The following RBFOX2 variants were observed in gnomAD, a reference collection of about 807,000 sequenced individuals.
RBFOX2 encodes RNA binding fox-1 homolog 2.
Under a neutral mutation model 49.1 loss-of-function variants are expected in RBFOX2, and 10 were observed. The observed-to-expected ratio is 0.20, with a 90% CI of 0.13 to 0.35. The LOEUF (loss-of-function observed/expected upper bound fraction) is 0.35, where lower values mean the gene tolerates loss of function less well. RBFOX2 is among the 10% of genes least tolerant of loss of function. RBFOX2 has a pLI of 1.00. For missense variants in RBFOX2, 323 were observed against 486.9 expected (o/e 0.66, Z 3.17); for synonymous variants, 183 against 187.4 (o/e 0.98, Z 0.19).
chr22:35,893,535 A>C (rs2047494822), intron 1 of RBFOX2, among the ~76,000 whole-genome samples: 1 of 152,240 alleles, frequency 6.6e-6, no homozygotes, highest in Non-Finnish European at 1.5e-5. Flanking sequence ...ACAAGGCTGC[A>C]AAGAGCCTGC....
At chr22:35,952,761 G>A (rs1387350614) in intron 1 of RBFOX2, among the ~76,000 whole-genome samples, 1 of 152,166 alleles carries the variant, frequency 6.6e-6, no homozygotes, top group Non-Finnish European at 1.5e-5. Context: ...TGGAGCAGCT[G>A]CTGTGGAAAA....
chr22:35,804,256 C>A (rs1056334743), intron 2 of RBFOX2, among the ~76,000 whole-genome samples: 3 of 150,808 alleles, frequency 2.0e-5, no homozygotes, highest in African/African-American at 7.3e-5. Flanking sequence ...CCAGCCTGGG[C>A]AACAGAGCAA....
intron 4 of RBFOX2, among the ~76,000 whole-genome samples, chr22:35,773,931 C>G (rs1168869960): frequency 6.6e-6 from 1 of 151,952 alleles, no homozygotes; most frequent in East Asian, 1.9e-4. Flanking sequence ...AATGCAAGGT[C>G]AAGAATACAG....
chr22:35,979,445 C>T (rs2057353337), intron 1 of RBFOX2, among the ~76,000 whole-genome samples: 2 of 152,034 alleles, frequency 1.3e-5, no homozygotes, highest in South Asian at 2.1e-4. Flanking sequence ...AGTCCTATTT[C>T]GGGGAATACA....
At chr22:35,854,085 G>C (rs1341751788) in intron 1 of RBFOX2, among the ~76,000 whole-genome samples, 1 of 151,996 alleles carries the variant, frequency 6.6e-6, no homozygotes, top group Non-Finnish European at 1.5e-5. Context: ...GGTGGTGCAT[G>C]ACTGTAATCC....
At chr22:35,778,003 T>C in intron 4 of RBFOX2, 22 bp downstream of exon 5, 6 of 1,593,114 alleles carry the variant, frequency 3.8e-6, no homozygotes, top group Non-Finnish European at 5.1e-6. Context: ...TCAAGCACAC[T>C]TGACACTGAA....
rs2047942201 is a variant in RBFOX2, at chr22:35,897,101, T to G, written c.-34+41746A>C. 2.0e-5 allele frequency among the ~76,000 whole-genome samples: 3 copies of G among 152,328 alleles called. No homozygotes were observed. The South Asian group carries it at 6.2e-4, about 32-fold the overall frequency. Reference sequence around the variant, plus strand: ...TCAAATTCTTTGAAGAGTCTTTTATTACTCGACACTCATTCTTTTTTTTTC... The same window carrying G: ...TCAAATTCTTTGAAGAGTCTTTTATGACTCGACACTCATTCTTTTTTTTTC... On this transcript the variant is annotated intron_variant, in intron 1 of 13. Coordinates refer to the RBFOX2 transcript ENST00000359369.
intron 1 of RBFOX2, among the ~76,000 whole-genome samples, chr22:35,971,912 TAAAAAAAA>T (rs527896726): frequency 1.8e-5 from 1 of 56,618 alleles, no homozygotes. Flanking sequence ...TTTTTCTCCC[TAAAAAAAA>T]AAAAAAAAAA....
intron 1 of RBFOX2, among the ~76,000 whole-genome samples, chr22:35,818,227 T>C (rs760446526): frequency 1.3e-5 from 2 of 152,232 alleles, no homozygotes; most frequent in Non-Finnish European, 2.9e-5. Flanking sequence ...CAAACATTCA[T>C]GAATCATGTC....
intron 1 of RBFOX2, among the ~76,000 whole-genome samples, chr22:36,021,430 G>A (rs1238493241): frequency 6.6e-6 from 1 of 151,644 alleles, no homozygotes; most frequent in Non-Finnish European, 1.5e-5. Flanking sequence ...TAAAAACAGA[G>A]AAGGGACATA....
At chr22:35,807,548 G>A (rs1442923940) in intron 2 of RBFOX2, among the ~76,000 whole-genome samples, 4 of 146,470 alleles carry the variant, frequency 2.7e-5, no homozygotes, top group Admixed American at 6.8e-5. Context: ...TGTCTCGAAC[G>A]AAAAAAAAAT....
At chr22:35,813,999 A>G (rs1952450998) in intron 1 of RBFOX2, among the ~76,000 whole-genome samples, 1 of 152,252 alleles carries the variant, frequency 6.6e-6, no homozygotes, top group Admixed American at 6.5e-5. Context: ...TCTTACAAAC[A>G]CAGGCTTTAA....
At position 35,789,257 on chromosome 22, in the gene RBFOX2, C is replaced by T. The variant is rs1266613056; in HGVS notation, c.253-7511G>A. The stretch of plus-strand genomic sequence containing the variant: ...GATTTTGGAATTGTGGATAAGAGAC[C>T]GTAGGCCAGGTAGAGCGGCTCACAC... On this transcript the variant is annotated intron_variant, in intron 2 of 11. Coordinates refer to ENST00000405409, the Ensembl canonical transcript of RBFOX2. 2.6e-5 allele frequency among the ~76,000 whole-genome samples: 4 copies of T among 151,916 alleles called. No homozygotes were observed. In the South Asian group the frequency reaches 6.2e-4, roughly 24 times the overall value.
At chr22:35,745,255 C>T (rs1303134023) in intron 11 of RBFOX2, among the ~76,000 whole-genome samples, 2 of 152,184 alleles carry the variant, frequency 1.3e-5, no homozygotes, top group Non-Finnish European at 2.9e-5. Context: ...AATGGCCTGT[C>T]TTTGTTGCAG....
chr22:35,886,332 A>T (rs965582259), intron 1 of RBFOX2, among the ~76,000 whole-genome samples: 1 of 152,198 alleles, frequency 6.6e-6, no homozygotes, highest in Non-Finnish European at 1.5e-5. Context: ...AAAATGTGTG[A>T]AGAGGAGCAC....
intron 1 of RBFOX2, among the ~76,000 whole-genome samples, chr22:35,952,164 C>T (rs2055016710): frequency 6.6e-6 from 1 of 152,206 alleles, no homozygotes; most frequent in African/African-American, 2.4e-5. Context: ...AACACTGTTA[C>T]AACTTACTGC....
chr22:35,937,089 G>C (rs1179004001), intron 1 of RBFOX2, among the ~76,000 whole-genome samples: 1 of 152,172 alleles, frequency 6.6e-6, no homozygotes, highest in Non-Finnish European at 1.5e-5. Flanking sequence ...TAGGACTGTA[G>C]TTCTCAACCG....
At position 35,784,428 on chromosome 22, in the gene RBFOX2, C is replaced by T. The variant is rs1232248413; in HGVS notation, c.253-2682G>A. ...GCAGGCAAATTCCTTAACCTCCCTG[C>T]CCTCCTGGCACCTCATGCCCGACAT... On this transcript the variant is annotated intron_variant, in intron 2 of 11. Coordinates refer to ENST00000405409, the Ensembl canonical transcript of RBFOX2. Among the ~76,000 whole-genome samples the T allele has an allele frequency of 2.6e-5, 4 of 152,204 alleles. No individual in the cohort carries two copies. In the East Asian group the frequency reaches 7.7e-4, roughly 29 times the overall value.
At chr22:35,843,074 G>C (rs992180636), upstream of RBFOX2, among the ~76,000 whole-genome samples, 1 of 152,138 alleles carries the variant, frequency 6.6e-6, no homozygotes, top group African/African-American at 2.4e-5. Flanking sequence ...TTTGAAGTGT[G>C]TCCCTGGTAT....
Sources: gnomAD v4.1 joint callset for allele counts (sites outside exome capture counted in the v4.1 genomes callset) on GRCh38, gnomAD v4.1.1 for gene constraint, MANE v1.5 for transcripts, NCBI Gene and HGNC (gene_info 2026-07-23, HGNC 2026-07-21) for gene names.